CACNA1I: variants seen among roughly 807,000 people sequenced by gnomAD.
CACNA1I encodes the protein calcium voltage-gated channel subunit alpha1 I, also known as voltage-dependent T-type calcium channel subunit alpha-1I.
CACNA1I carries 74 observed loss-of-function variants against 201.6 expected under a neutral mutation model. The ratio of observed to expected loss-of-function variants is 0.37; its 90% CI spans 0.30 to 0.45. The LOEUF is 0.45. Ranked by LOEUF, CACNA1I falls within the 20% of genes least tolerant of loss-of-function variation. The pLI, the probability that CACNA1I is intolerant of heterozygous loss-of-function variation, is 1.00. For missense variants in CACNA1I, 2,346 were observed against 3,138.1 expected, an observed-to-expected ratio of 0.75 and a Z score of 6.03; for synonymous variants, 1,431 against 1,345.2, an observed-to-expected ratio of 1.06 and a Z score of -1.40.
At chr22:39,623,509 T>C (rs1933810847) in intron 4 of CACNA1I, among the ~76,000 whole-genome samples, 2 of 150,710 alleles carry the variant, frequency 1.3e-5, no homozygotes, top group Non-Finnish European at 3.0e-5. Context: ...TGTGTATGCC[T>C]ATGAATATGT....
chr22:39,667,830 G>C (rs1935244391), intron 23 of CACNA1I, among the ~76,000 whole-genome samples: 1 of 152,202 alleles, frequency 6.6e-6, no homozygotes, highest in Admixed American at 6.5e-5. Context: ...CAGGGCTCCT[G>C]ACTCCTCTCA....
intron 3 of CACNA1I, among the ~76,000 whole-genome samples, chr22:39,612,671 C>G (rs2047247728): frequency 6.6e-6 from 1 of 152,090 alleles, no homozygotes; most frequent in African/African-American, 2.4e-5. Flanking sequence ...CCCCAAAGGC[C>G]CTAATACCAT....
Position 39,689,480 on chromosome 22 carries a change from GT to G in CACNA1I, c.*3077del, listed in dbSNP as rs1453398383. 1 of 152,780 alleles carries G rather than the reference GT, an allele frequency of 6.5e-6. No homozygotes were observed. The highest frequency in any genetic ancestry group is 2.4e-5 in the African/African-American group (1 of 41,486). 9.5% of individuals were successfully genotyped at this position (152,780 alleles called of 1,614,324 possible). ...TTTTTGTCTTTGTGCAATAATCAGT[GT>G]TCCTGGCAGAGCCTGGGCCAAGCTG... On this transcript the variant is annotated 3_prime_UTR_variant, in exon 37 of 37. Coordinates refer to ENST00000402142, the MANE Select transcript of CACNA1I (RefSeq NM_021096.4).
chr22:39,647,162 CGGA>C (rs136826), intron 8 of CACNA1I, among the ~76,000 whole-genome samples: 82,577 of 151,802 alleles, frequency 0.54, 23,289 homozygotes, highest in East Asian at 0.98. Context: ...AGATCGGCCT[CGGA>C]GGAAGCCACA....
At chr22:39,663,658 T>C in intron 18 of CACNA1I, 60 bp from the exon 19 acceptor site, 2 of 1,603,446 alleles carry the variant, frequency 1.2e-6, no homozygotes, top group Non-Finnish European at 1.7e-6. Context: ...CCCTCTGCCT[T>C]CCTTCTGGCC....
Position 39,649,488 on chromosome 22 carries a change from A to T in CACNA1I, c.1568-13A>T, listed in dbSNP as rs755059370. ...TGGGCAACGACTCTATGCCCCTCTC[A>T]TTTGCTTTTCAGAGCTGTGCCCGCA... On this transcript the variant is annotated splice_polypyrimidine_tract_variant and intron_variant, in intron 9 of 36. Transcript: ENST00000402142. The surrounding 1 kb of genome is among the most constrained non-coding windows in gnomAD (Gnocchi z 7.3). 1.9e-6 allele frequency: 3 copies of T among 1,557,182 alleles called. No homozygotes were observed. The East Asian group carries it at 7.1e-5, about 37-fold the overall frequency.
intron 7 of CACNA1I, 51 bp from the exon 8 acceptor site, chr22:39,646,518 G>A: frequency 6.7e-7 from 1 of 1,494,426 alleles, no homozygotes; most frequent in Non-Finnish European, 9.0e-7. Context: ...TCACCCTTCT[G>A]TCCCCTCCAT....
chr22:39,628,472 C>T (rs1050046650), intron 4 of CACNA1I, among the ~76,000 whole-genome samples: 3 of 152,030 alleles, frequency 2.0e-5, no homozygotes, highest in Non-Finnish European at 2.9e-5. Flanking sequence ...ACAGCCGGGC[C>T]AGCCCCCGAG....
At position 39,665,017 on chromosome 22, in the gene CACNA1I, C is replaced by T. The variant is rs1352307521; in HGVS notation, c.3851+94C>T. The T allele has an allele frequency of 1.2e-5, 14 of 1,193,400 alleles. No individual in the cohort carries two copies. The highest frequency in any genetic ancestry group is 1.7e-5 in the Non-Finnish European group (14 of 843,678). 73.9% of individuals were successfully genotyped at this position (1,193,400 alleles called of 1,614,324 possible). ...GGGCCCTCACTCCGCCCTCCCCGCC[C>T]GCCCACTCGGTCCTCCAATAGTGAG... On this transcript the variant is annotated intron_variant, in intron 21 of 36. Transcript: ENST00000402142. The surrounding 1 kb of genome is among the most constrained non-coding windows in gnomAD (Gnocchi z 5.5).
intron 7 of CACNA1I, among the ~76,000 whole-genome samples, chr22:39,644,133 G>T (rs1382854850): frequency 6.6e-6 from 1 of 152,098 alleles, no homozygotes; most frequent in Non-Finnish European, 1.5e-5. Flanking sequence ...AGCCTCTTGG[G>T]CAGGGGTGGC....
rs1239967746 is a variant in CACNA1I, at chr22:39,662,171, C to T, written c.3108C>T (p.His1036=). ...PPRAAPLHTP[H]AHHIHHGPHL... ...GGGCCGCACCCCTGCACACCCCACA[C>T]GCCCACCACATTCATCACGGGCCCC... The change falls in exon 17 of 37, where the codon CAC becomes CAT. Residue 1036 remains histidine, a synonymous_variant. Coordinates refer to ENST00000402142, the MANE Select transcript of CACNA1I (RefSeq NM_021096.4). The T allele has an allele frequency of 7.8e-6, 12 of 1,531,814 alleles. No homozygotes were observed. The African/African-American group carries it at 1.1e-4, about 15-fold the overall frequency. 94.9% of individuals were successfully genotyped at this position (1,531,814 alleles called of 1,614,324 possible). A position where few individuals can be genotyped will look rare whatever the true frequency, so the allele number is the denominator to read the frequency against.
intron 3 of CACNA1I, among the ~76,000 whole-genome samples, chr22:39,602,981 A>C (rs1601810079): frequency 6.6e-6 from 1 of 152,062 alleles, no homozygotes; most frequent in East Asian, 1.9e-4. Flanking sequence ...GTGAGACCCC[A>C]TCTCTACAAA....
In CACNA1I at chr22:39,681,030, C is replaced by T; in HGVS notation, c.5642C>T (p.Pro1881Leu). 5.0e-6 allele frequency: 8 copies of T among 1,610,296 alleles called. No individual in the cohort carries two copies. Among genetic ancestry groups the T allele is most frequent in the Non-Finnish European group, 6.8e-6 (8 of 1,179,130 alleles). ...AGTCTCGAGGACCCCACAGCCTGCC[C>T]ACCTGGCCGCAAAGACAGCAAGGTC... is the stretch of plus-strand genomic sequence containing the variant. ...DLSLEDPTAC[P>L]PGRKDSKGEL... Residue 1881 changes from proline to leucine, a missense_variant, in exon 34 of 37, where the codon CCA (proline) becomes CTA (leucine). Physicochemically the swap from Pro to Leu is moderately conservative, Grantham distance 98. Around this residue, in one of 13 missense-constraint regions of CACNA1I, gnomAD observed 441 missense variants for 555.6 expected, o/e 0.79. Transcript: ENST00000402142.
intron 1 of CACNA1I, among the ~76,000 whole-genome samples, chr22:39,574,708 T>C (rs1184328438): frequency 6.6e-6 from 1 of 152,180 alleles, no homozygotes; most frequent in Admixed American, 6.5e-5. Context: ...ATAAATGACC[T>C]TTCACATGTC....
At chr22:39,605,811 C>T (rs534705422) in intron 3 of CACNA1I, among the ~76,000 whole-genome samples, 71 of 151,086 alleles carry the variant, frequency 4.7e-4, no homozygotes, top group African/African-American at 1.7e-3. Context: ...TTTCAGGCAG[C>T]GGGGAAGCAT....
chr22:39,647,272 T>G (rs929769810), intron 8 of CACNA1I, among the ~76,000 whole-genome samples: 3 of 152,206 alleles, frequency 2.0e-5, no homozygotes, highest in African/African-American at 7.2e-5. Flanking sequence ...GGGTTCCTGC[T>G]GCTGTCCCCT....
intron 4 of CACNA1I, among the ~76,000 whole-genome samples, chr22:39,627,975 C>T (rs1933946788): frequency 6.6e-6 from 1 of 152,142 alleles, no homozygotes; most frequent in Non-Finnish European, 1.5e-5. Flanking sequence ...CTGGCCAGAG[C>T]ATCTGGCGAG....
At chr22:39,631,730 C>T (rs1259497439) in intron 4 of CACNA1I, among the ~76,000 whole-genome samples, 4 of 152,290 alleles carry the variant, frequency 2.6e-5, no homozygotes, top group Non-Finnish European at 5.9e-5. Flanking sequence ...TCTCTCCTTG[C>T]CTCCACCTCC....
intron 10 of CACNA1I, among the ~76,000 whole-genome samples, chr22:39,653,177 GGCGCTTAGTA>G (rs1418422140): frequency 2.1e-4 from 28 of 133,720 alleles, no homozygotes; most frequent in South Asian, 4.5e-4. Flanking sequence ...TTGAGAACCT[GGCGCTTAGTA>G]GGTGCTCACT....
Sources: allele counts gnomAD v4.1 joint callset (sites outside exome capture counted in the v4.1 genomes callset), GRCh38; gene constraint gnomAD v4.1.1; regional missense constraint gnomAD v4.1.1; non-coding constraint Gnocchi (gnomAD v3.1); transcripts MANE v1.5; gene names NCBI Gene and HGNC (gene_info 2026-07-23, HGNC 2026-07-21).